Variants in SEMA3D observed in about 807,000 individuals in gnomAD.
SEMA3D encodes semaphorin 3D.
SEMA3D carries 84 observed loss-of-function variants against 100.1 expected under a neutral mutation model. That is an observed-to-expected ratio of 0.84 (90% CI 0.70 to 1.01). SEMA3D has a LOEUF of 1.01. Ranked by LOEUF, SEMA3D falls within the 50% of genes least tolerant of loss-of-function variation. The pLI, the probability that SEMA3D is intolerant of heterozygous loss-of-function variation, is 0.00. For missense variants in SEMA3D, 875 were observed against 934.1 expected (o/e 0.94, Z 0.82); for synonymous variants, 312 against 320.7 (o/e 0.97, Z 0.29).
At chr7:85,147,851 T>G (rs2116480979) in intron 2 of SEMA3D, among the ~76,000 whole-genome samples, 2 of 152,256 alleles carry the variant, frequency 1.3e-5, no homozygotes, top group South Asian at 2.1e-4. Context: ...CCTAACAGCC[T>G]AATTCATTTG....
At chr7:85,186,209 G>A (rs1187284475) in intron 1 of SEMA3D, among the ~76,000 whole-genome samples, 1 of 152,184 alleles carries the variant, frequency 6.6e-6, no homozygotes, top group Non-Finnish European at 1.5e-5. Context: ...CTTTGGTCAA[G>A]TACTCCCCGG....
chr7:85,184,958 C>T (rs929430485), intron 1 of SEMA3D, among the ~76,000 whole-genome samples: 2 of 152,218 alleles, frequency 1.3e-5, no homozygotes, highest in Non-Finnish European at 2.9e-5. Flanking sequence ...GCTCATCCTC[C>T]TTGCTGTCTG....
At chr7:85,245,878 G>C in the SEMA3D span, among the ~76,000 whole-genome samples, 1 of 151,924 alleles carries the variant, frequency 6.6e-6, no homozygotes, top group Non-Finnish European at 1.5e-5. Flanking sequence ...CTTGCCTTTG[G>C]CTATATCATA....
intron 5 of SEMA3D, among the ~76,000 whole-genome samples, chr7:85,074,816 C>A (rs1583897523): frequency 6.6e-6 from 1 of 151,850 alleles, no homozygotes; most frequent in Non-Finnish European, 1.5e-5. Context: ...GACAGGGTCT[C>A]GCTTTGTTAC....
intron 2 of SEMA3D, chr7:85,144,492 G>T: frequency 1.0e-6 from 1 of 976,354 alleles, no homozygotes; most frequent in Non-Finnish European, 1.2e-6. Context: ...AGAGGGGAAA[G>T]ATTCTCAGAA....
intron 8 of SEMA3D, among the ~76,000 whole-genome samples, chr7:85,059,795 G>A (rs1170313727): frequency 1.3e-5 from 2 of 152,018 alleles, no homozygotes. Context: ...AAAAAGAGCA[G>A]AATAATAAAA....
In SEMA3D at chr7:85,009,169, G is replaced by GT. The variant is rs544258241; in HGVS notation, c.1769-2229dup. Among the ~76,000 whole-genome samples the GT allele has an allele frequency of 1.3e-3, 198 of 150,548 alleles. 1 individual carries two copies. The East Asian group carries it at 0.019, about 15-fold the overall frequency. On this transcript the variant is annotated intron_variant, in intron 17 of 18. Coordinates refer to ENST00000284136, the MANE Select transcript of SEMA3D (RefSeq NM_001384900.1). ...TTATTACATGTAAGATAATTGTGGA[G>GT]TTTTTTTTTCCTCTAGATTGCAGTC...
At chr7:85,103,124 TC>T (rs1379260008) in intron 3 of SEMA3D, among the ~76,000 whole-genome samples, 9 of 152,048 alleles carry the variant, frequency 5.9e-5, no homozygotes, top group Admixed American at 5.9e-4. Flanking sequence ...TTCCCTCTTT[TC>T]CAACCAGCTT....
chr7:85,073,566 A>G (rs1396276274), intron 5 of SEMA3D, among the ~76,000 whole-genome samples: 1 of 152,118 alleles, frequency 6.6e-6, no homozygotes, highest in Non-Finnish European at 1.5e-5. Flanking sequence ...CTTACTTTCT[A>G]CAAGAAATAC....
intron 8 of SEMA3D, 122 bp from the exon 9 acceptor site, chr7:85,055,981 G>A: frequency 2.0e-6 from 1 of 507,930 alleles, no homozygotes; most frequent in South Asian, 2.2e-5. Flanking sequence ...CTATAAGCCA[G>A]ATGTGGGAAA....
At chr7:85,185,918 A>T (rs1791530295) in intron 1 of SEMA3D, among the ~76,000 whole-genome samples, 1 of 152,196 alleles carries the variant, frequency 6.6e-6, no homozygotes, top group Admixed American at 6.5e-5. Context: ...AAAGCGAGCC[A>T]AGCCCACTAC....
At chr7:85,148,263 T>G (rs1434229635) in intron 2 of SEMA3D, among the ~76,000 whole-genome samples, 1 of 152,202 alleles carries the variant, frequency 6.6e-6, no homozygotes, top group African/African-American at 2.4e-5. Context: ...TGTCATCATA[T>G]CTTGTTTTCC....
intron 1 of SEMA3D, chr7:85,167,458 G>A (rs73195907): frequency 4.0e-4 from 325 of 809,452 alleles, no homozygotes; most frequent in South Asian, 1.1e-3. Context: ...TGATACTAAT[G>A]TTGGACGTCT....
chr7:85,050,519 T>G (rs1164875125), intron 9 of SEMA3D: 4 of 339,194 alleles, frequency 1.2e-5, no homozygotes, highest in Non-Finnish European at 2.1e-5. Flanking sequence ...ACATATTAAG[T>G]TTAAAAGATA....
At chr7:85,149,675 T>A (rs985262388) in intron 2 of SEMA3D, among the ~76,000 whole-genome samples, 1 of 152,148 alleles carries the variant, frequency 6.6e-6, no homozygotes. Flanking sequence ...GCTTTTATAG[T>A]AGACTTACAG....
chr7:85,153,899 T>C (rs755179989), intron 1 of SEMA3D, among the ~76,000 whole-genome samples, 160 bp from the exon 2 acceptor site: 4 of 152,148 alleles, frequency 2.6e-5, no homozygotes, highest in Non-Finnish European at 5.9e-5. Flanking sequence ...CTTGTGGGAA[T>C]GTCAAGCTTT....
chr7:85,107,762 C>T (rs997792114), intron 3 of SEMA3D, among the ~76,000 whole-genome samples: 4 of 151,952 alleles, frequency 2.6e-5, no homozygotes, highest in African/African-American at 9.7e-5. Flanking sequence ...TGTTTAACCC[C>T]CCTCACACAA....
rs540111470 is a variant in SEMA3D at position 85,150,554 on chromosome 7, T to C, written c.-41+3054A>G. On this transcript the variant is annotated intron_variant, in intron 2 of 18. Transcript: ENST00000284136. ...ATATATATAGAATATATATATATTCTGTAAATAGAATCACTTCCCAAATCA... is the reference window on the plus strand; with the variant it reads ...ATATATATAGAATATATATATATTCCGTAAATAGAATCACTTCCCAAATCA... 7.4e-5 allele frequency among the ~76,000 whole-genome samples: 11 copies of C among 149,176 alleles called. No individual in the cohort carries two copies. The South Asian group carries it at 2.3e-3, about 31-fold the overall frequency.
chr7:85,038,539 G>A (rs951882718), intron 11 of SEMA3D, among the ~76,000 whole-genome samples: 2 of 152,110 alleles, frequency 1.3e-5, no homozygotes, highest in African/African-American at 4.8e-5. Context: ...ATAAAGTATA[G>A]GAAGAACAAA....
Sources: gnomAD v4.1 joint callset for allele counts (sites outside exome capture counted in the v4.1 genomes callset) on GRCh38, gnomAD v4.1.1 for gene constraint, MANE v1.5 for transcripts, NCBI Gene and HGNC (gene_info 2026-07-23, HGNC 2026-07-21) for gene names.